Variants in CALCR observed in about 807,000 individuals in gnomAD.
CALCR encodes the protein calcitonin receptor.
Under a neutral mutation model 59.5 loss-of-function variants are expected in CALCR, and 47 were observed. That is an observed-to-expected ratio of 0.79 (90% CI 0.63 to 1.01). CALCR has a LOEUF of 1.01. Ranked by LOEUF, CALCR falls within the 50% of genes least tolerant of loss-of-function variation. The probability of loss-of-function intolerance (pLI) is 0.00; values close to 1 mark genes in which losing one functional copy is unlikely to be tolerated. For missense variants in CALCR, 566 were observed against 597.1 expected (o/e 0.95, Z 0.54); for synonymous variants, 213 against 211.3 (o/e 1.01, Z -0.07).
chr7:93,503,421 C>T (rs1329869765), intron 2 of CALCR, among the ~76,000 whole-genome samples: 1 of 152,006 alleles, frequency 6.6e-6, no homozygotes, highest in Non-Finnish European at 1.5e-5. Context: ...CACACACACA[C>T]ACACATACAC....
chr7:93,479,486 C>T lies in CALCR; in HGVS notation c.73G>A (p.Ala25Thr). 6.2e-7 allele frequency: 1 copy of T among 1,612,128 alleles called. No homozygotes were observed. The highest frequency in any genetic ancestry group is 8.5e-7 in the Non-Finnish European group (1 of 1,178,918). The change falls in exon 4 of 14, where the codon GCC becomes ACC. Residue 25 changes from alanine to threonine, a missense_variant. Coordinates refer to ENST00000426151, the MANE Select transcript of CALCR (RefSeq NM_001742.4). ...LLNHPTPILP[A>T]FSNQTYPTIE... ...GTTGGATAGGTTTGATTTGAAAAGG[C>T]AGGAAGAATTGGGGTTGGGTGCTGT... is the stretch of plus-strand genomic sequence containing the variant.
chr7:93,430,103 T>A (rs955000035), intron 13 of CALCR, among the ~76,000 whole-genome samples: 2 of 151,778 alleles, frequency 1.3e-5, no homozygotes, highest in Non-Finnish European at 2.9e-5. Context: ...GGCTAATTTT[T>A]TTTTTGTATT....
At chr7:93,443,219 G>C (rs1799946130) in intron 9 of CALCR, among the ~76,000 whole-genome samples, 1 of 152,142 alleles carries the variant, frequency 6.6e-6, no homozygotes, top group African/African-American at 2.4e-5. Flanking sequence ...AGCCAGGGTA[G>C]GGGAGGTACA....
Position 93,455,129 on chromosome 7 carries a change from AAAAC to A in CALCR, c.648+5688_648+5691del, listed in dbSNP as rs1406556965. Among the ~76,000 whole-genome samples, 4 of 152,162 alleles carry A rather than the reference AAAAC, an allele frequency of 2.6e-5. No homozygotes were observed. The East Asian group carries it at 5.8e-4, about 22-fold the overall frequency. The stretch of plus-strand genomic sequence containing the variant: ...AGTGACCCTGAATTGGTCCAAAATG[AAAAC>A]AAACAAACAACAACAACAAACACAC... On this transcript the variant is annotated intron_variant, in intron 8 of 13. Coordinates refer to ENST00000426151, the MANE Select transcript of CALCR (RefSeq NM_001742.4).
At chr7:93,477,700 C>T in intron 4 of CALCR, 32 bp from the exon 5 acceptor site, 1 of 1,364,126 alleles carries the variant, frequency 7.3e-7, no homozygotes, top group Non-Finnish European at 1.0e-6. Flanking sequence ...GATATTGAAG[C>T]CTTGTGGATT....
At chr7:93,556,095 T>A (rs1789598150) in intron 2 of CALCR, among the ~76,000 whole-genome samples, 2 of 152,194 alleles carry the variant, frequency 1.3e-5, no homozygotes, top group Admixed American at 1.3e-4. Flanking sequence ...TCCATTGAGG[T>A]TATCCTTAAG....
chr7:93,529,638 C>A (rs1175689027), intron 2 of CALCR, among the ~76,000 whole-genome samples: 2 of 151,914 alleles, frequency 1.3e-5, no homozygotes, highest in African/African-American at 2.4e-5. Flanking sequence ...GTCTTTATTT[C>A]TTCTAATTTC....
chr7:93,560,560 A>G (rs1789721412), intron 2 of CALCR, among the ~76,000 whole-genome samples: 1 of 152,022 alleles, frequency 6.6e-6, no homozygotes, highest in South Asian at 2.1e-4. Context: ...TACAATTTTA[A>G]TTTATACTAT....
Position 93,566,944 on chromosome 7 carries a change from A to T in CALCR, c.-27+7345T>A, listed in dbSNP as rs561925500. 3.3e-5 allele frequency among the ~76,000 whole-genome samples: 5 copies of T among 152,282 alleles called. No homozygotes were observed. In the East Asian group the frequency reaches 9.6e-4, roughly 29 times the overall value. On this transcript the variant is annotated intron_variant, in intron 2 of 13. Transcript: ENST00000426151. ...AATGAGAAGGAAAAATGTTTAGTTT[A>T]GTTTTGTTTTTCTTGCCTATAAGAG...
chr7:93,529,732 A>G (rs965101227), intron 2 of CALCR, among the ~76,000 whole-genome samples: 1 of 152,210 alleles, frequency 6.6e-6, no homozygotes, highest in African/African-American at 2.4e-5. Context: ...ACCAGATACT[A>G]GTATTTACTC....
chr7:93,454,616 A>AAC (rs1491428203), intron 8 of CALCR, among the ~76,000 whole-genome samples: 23 of 43,548 alleles, frequency 5.3e-4, no homozygotes, highest in African/African-American at 2.0e-3. Flanking sequence ...CAGATAGAAC[A>AAC]AAAAAAAAAA....
At chr7:93,515,707 T>G (rs948241737) in intron 2 of CALCR, among the ~76,000 whole-genome samples, 2 of 152,024 alleles carry the variant, frequency 1.3e-5, no homozygotes, top group African/African-American at 4.8e-5. Context: ...CAAAGCTGTC[T>G]GTCCTTTCTT....
intron 13 of CALCR, 64 bp downstream of exon 13, chr7:93,434,189 C>T (rs1221963564): frequency 4.6e-6 from 5 of 1,088,342 alleles, no homozygotes; most frequent in Admixed American, 1.7e-5. Context: ...TGTACAGAGG[C>T]CCTTTGGAAA....
chr7:93,494,574 A>G (rs1472406248), intron 2 of CALCR, among the ~76,000 whole-genome samples: 2 of 151,468 alleles, frequency 1.3e-5, no homozygotes, highest in Non-Finnish European at 3.0e-5. Context: ...AACTATAACA[A>G]ATGCCTCATG....
chr7:93,433,938 G>A (rs550989228), intron 13 of CALCR, among the ~76,000 whole-genome samples: 7 of 152,282 alleles, frequency 4.6e-5, no homozygotes, highest in South Asian at 4.1e-4. Context: ...CGGGTCTTCC[G>A]AAGGGAATAG....
At position 93,425,314 on chromosome 7, in the gene CALCR, C is replaced by G. The variant is rs1214340764; in HGVS notation, c.*1042G>C. On this transcript the variant is annotated 3_prime_UTR_variant, in exon 14 of 14. Coordinates refer to ENST00000426151, the MANE Select transcript of CALCR (RefSeq NM_001742.4). ...TTTCTAATTAGCCCTCCTGGATCTT[C>G]CTGGAAAAGCCTGAGCTCTTTTTAA... is the stretch of plus-strand genomic sequence containing the variant. The G allele has an allele frequency of 6.6e-6, 1 of 152,546 alleles. No individual in the cohort carries two copies. The highest frequency in any genetic ancestry group is 1.5e-5 in the Non-Finnish European group (1 of 68,004). 9.4% of individuals were successfully genotyped at this position (152,546 alleles called of 1,614,324 possible). A position where few individuals can be genotyped will look rare whatever the true frequency, so the allele number is the denominator to read the frequency against.
At chr7:93,571,103 AAAC>A (rs1431128651) in intron 2 of CALCR, among the ~76,000 whole-genome samples, 3 of 152,208 alleles carry the variant, frequency 2.0e-5, no homozygotes, top group Non-Finnish European at 4.4e-5. Flanking sequence ...CTAGAATTGA[AAAC>A]AAGTTAGTAT....
At chr7:93,428,967 C>T (rs549950019) in intron 13 of CALCR, among the ~76,000 whole-genome samples, 6 of 152,270 alleles carry the variant, frequency 3.9e-5, no homozygotes, top group Middle Eastern at 3.4e-3. Flanking sequence ...TTATTTCTCA[C>T]CTGTCCTTTT....
intron 7 of CALCR, among the ~76,000 whole-genome samples, chr7:93,466,346 T>G (rs575217486): frequency 6.6e-6 from 1 of 152,054 alleles, no homozygotes; most frequent in South Asian, 2.1e-4. Flanking sequence ...AGATCAGTAT[T>G]ATTTTCTACT....
Sources: allele counts gnomAD v4.1 joint callset (sites outside exome capture counted in the v4.1 genomes callset), GRCh38; gene constraint gnomAD v4.1.1; transcripts MANE v1.5; gene names NCBI Gene and HGNC (gene_info 2026-07-23, HGNC 2026-07-21).